Variants in ANKRD46 observed in about 807,000 individuals in gnomAD.
The protein encoded by ANKRD46 is ankyrin repeat domain 46, also known as ankyrin repeat domain-containing protein 46.
Under a neutral mutation model 19.8 loss-of-function variants are expected in ANKRD46, and 13 were observed. The ratio of observed to expected loss-of-function variants is 0.66; its 90% CI spans 0.43 to 1.04. ANKRD46 has a LOEUF of 1.04. ANKRD46 is among the 50% of genes least tolerant of loss of function. The pLI, the probability that ANKRD46 is intolerant of heterozygous loss-of-function variation, is 0.00. For synonymous variants in ANKRD46, 91 were observed against 106.9 expected (o/e 0.85, Z 0.92); for missense variants, 185 against 274.8 (o/e 0.67, Z 2.31).
intron 1 of ANKRD46, among the ~76,000 whole-genome samples, chr8:100,541,086 T>A (rs1812166383): frequency 6.6e-6 from 1 of 150,704 alleles, no homozygotes; most frequent in East Asian, 1.9e-4. Flanking sequence ...TTATTTACCA[T>A]AATTCTCACT....
intron 2 of ANKRD46, among the ~76,000 whole-genome samples, chr8:100,531,074 T>C (rs1225237820): frequency 6.6e-6 from 1 of 152,168 alleles, no homozygotes; most frequent in East Asian, 1.9e-4. Context: ...GACATTTTGC[T>C]CTACCAAACT....
At position 100,546,164 on chromosome 8, in the gene ANKRD46, T is replaced by A. The variant is rs941983989; in HGVS notation, c.-130-12853A>T. ...CTCAAGCATGCTACAGAAATTTGCC[T>A]AAATAACAAGGAACAGAATGTTAAT... On this transcript the variant is annotated intron_variant, in intron 1 of 4. Coordinates refer to ENST00000335659, the MANE Select transcript of ANKRD46 (RefSeq NM_001270377.2). This position sits in a 1 kb window ranked among gnomAD's most constrained non-coding sequence, Gnocchi z 4.0. Among the ~76,000 whole-genome samples, 1 of 152,168 alleles carries A rather than the reference T, an allele frequency of 6.6e-6. No homozygotes were observed. The highest frequency in any genetic ancestry group is 1.5e-5 in the Non-Finnish European group (1 of 68,022).
Position 100,557,282 on chromosome 8 carries a change from C to A in ANKRD46, c.-131+2429G>T, listed in dbSNP as rs145745082. 5.3e-5 allele frequency among the ~76,000 whole-genome samples: 8 copies of A among 152,218 alleles called. No individual in the cohort carries two copies. Among genetic ancestry groups the A allele is most frequent in the Non-Finnish European group, 1.2e-4 (8 of 68,036 alleles). On this transcript the variant is annotated intron_variant, in intron 1 of 4. Transcript: ENST00000335659. The surrounding 1 kb of genome is among the most constrained non-coding windows in gnomAD (Gnocchi z 5.9). Reference sequence around the variant, plus strand: ...ATCTCAGTACACTGTTTAACTAAAGCCTTCCAATAGCTCAGGCCAAAGGCC... The same window carrying A: ...ATCTCAGTACACTGTTTAACTAAAGACTTCCAATAGCTCAGGCCAAAGGCC...
At chr8:100,514,801 G>A (rs1208267636) in intron 5 of ANKRD46, among the ~76,000 whole-genome samples, 3 of 151,280 alleles carry the variant, frequency 2.0e-5, no homozygotes, top group African/African-American at 2.4e-5. Flanking sequence ...CACCACACCC[G>A]GCTAATTTTT....
intron 1 of ANKRD46, chr8:100,551,346 G>T (rs1812385582): frequency 1.7e-6 from 1 of 573,372 alleles, no homozygotes. Flanking sequence ...ATCAGCAGAG[G>T]GGGTAGAGAT....
rs999518124 is a variant in ANKRD46, at chr8:100,557,173, C to T, written c.-131+2538G>A. On this transcript the variant is annotated intron_variant, in intron 1 of 4. Coordinates refer to ENST00000335659, the MANE Select transcript of ANKRD46 (RefSeq NM_001270377.2). The surrounding 1 kb of genome is among the most constrained non-coding windows in gnomAD (Gnocchi z 5.9). ...TTTCCAGTTGGACCTTTCTCTTCAA[C>T]TCCCGTCTCTATAACCCCACTTGAA... Among the ~76,000 whole-genome samples the T allele has an allele frequency of 3.3e-5, 5 of 152,244 alleles. No homozygotes were observed. Among genetic ancestry groups the T allele is most frequent in the Non-Finnish European group, 1.5e-5 (1 of 68,038 alleles).
At chr8:100,542,999 T>C (rs1812202882) in intron 1 of ANKRD46, among the ~76,000 whole-genome samples, 1 of 152,178 alleles carries the variant, frequency 6.6e-6, no homozygotes, top group Admixed American at 6.5e-5. Flanking sequence ...AGTTTACATG[T>C]GTGTACTCAG....
chr8:100,528,341 T>C (rs1028744286), intron 3 of ANKRD46, among the ~76,000 whole-genome samples: 35 of 152,168 alleles, frequency 2.3e-4, no homozygotes, highest in African/African-American at 7.0e-4. Context: ...CAGCAGATTA[T>C]GGTAGAAGTA....
At chr8:100,517,261 T>C (rs542140808), downstream of ANKRD46, among the ~76,000 whole-genome samples, 3 of 152,294 alleles carry the variant, frequency 2.0e-5, no homozygotes, top group East Asian at 3.9e-4. Flanking sequence ...CCTGTAAAAA[T>C]GGAATCTTCT....
chr8:100,528,352 AT>A (rs1811885303), intron 3 of ANKRD46, among the ~76,000 whole-genome samples: 1 of 152,210 alleles, frequency 6.6e-6, no homozygotes, highest in Non-Finnish European at 1.5e-5. Context: ...GGTAGAAGTA[AT>A]AGCCGTGTGC....
intron 1 of ANKRD46, among the ~76,000 whole-genome samples, chr8:100,558,693 G>A (rs138863655): frequency 1.8e-3 from 273 of 152,230 alleles, no homozygotes; most frequent in African/African-American, 6.5e-3. Context: ...CTACATGTTT[G>A]GCTAGATAAC....
At chr8:100,531,157 C>T (rs1173240429) in intron 2 of ANKRD46, among the ~76,000 whole-genome samples, 2 of 152,166 alleles carry the variant, frequency 1.3e-5, no homozygotes, top group African/African-American at 4.8e-5. Context: ...AAAGAAACTT[C>T]GCTAGGAAAT....
chr8:100,522,896 CACACACACATATATAT>C lies in ANKRD46; in HGVS notation c.471-141_471-126del, dbSNP rs1212696611. ...ACACACACACACACACACACACACACACACACACATATATATATATACACACTCTTACATGCTTACG... is the reference window on the plus strand; with the variant it reads ...ACACACACACACACACACACACACACATATACACACTCTTACATGCTTACG... On this transcript the variant is annotated intron_variant, in intron 4 of 4. Transcript: ENST00000335659. 49 of 568,522 alleles carry C rather than the reference CACACACACATATATAT, an allele frequency of 8.6e-5. 1 individual carries two copies. Among genetic ancestry groups the C allele is most frequent in the Non-Finnish European group, 1.2e-4 (40 of 330,494 alleles). 35.2% of individuals were successfully genotyped at this position (568,522 alleles called of 1,614,324 possible). A position where few individuals can be genotyped will look rare whatever the true frequency, so the allele number is the denominator to read the frequency against.
downstream of ANKRD46, among the ~76,000 whole-genome samples, chr8:100,518,712 C>A (rs1038315201): frequency 2.0e-5 from 3 of 151,906 alleles, no homozygotes; most frequent in Non-Finnish European, 4.4e-5. Flanking sequence ...ATTAGCTGGG[C>A]GTGGTGGCAC....
At position 100,537,960 on chromosome 8, in the gene ANKRD46, A is replaced by C. The variant is rs1812097190; in HGVS notation, c.-130-4649T>G. Among the ~76,000 whole-genome samples the C allele has an allele frequency of 6.6e-6, 1 of 152,198 alleles. No homozygotes were observed. Among genetic ancestry groups the C allele is most frequent in the Admixed American group, 6.5e-5 (1 of 15,276 alleles). On this transcript the variant is annotated intron_variant, in intron 1 of 4. Coordinates refer to ENST00000335659, the MANE Select transcript of ANKRD46 (RefSeq NM_001270377.2). The surrounding 1 kb of genome is among the most constrained non-coding windows in gnomAD (Gnocchi z 4.2). ...TAAGTTGTCAAGATAACCAGGAGAA[A>C]ACAGTTCATGTAAAACTTTGTTGCT...
chr8:100,515,874 GTT>G (rs371133127), downstream of ANKRD46, among the ~76,000 whole-genome samples: 4 of 139,780 alleles, frequency 2.9e-5, no homozygotes, highest in Non-Finnish European at 3.2e-5. Flanking sequence ...ACTTGTTTTT[GTT>G]TTTTTTTTTT....
intron 5 of ANKRD46, among the ~76,000 whole-genome samples, chr8:100,515,727 G>C (rs1008391351): frequency 2.6e-5 from 4 of 152,040 alleles, no homozygotes; most frequent in African/African-American, 9.7e-5. Flanking sequence ...ACAACAGACT[G>C]TATCTGGATT....
At position 100,559,398 on chromosome 8, in the gene ANKRD46, C is replaced by G. The variant is rs1393428646; in HGVS notation, c.-131+313G>C. On this transcript the variant is annotated intron_variant, in intron 1 of 4. Coordinates refer to ENST00000335659, the MANE Select transcript of ANKRD46 (RefSeq NM_001270377.2). The surrounding 1 kb of genome is among the most constrained non-coding windows in gnomAD (Gnocchi z 6.0). ...TTCCGCGCTCCACCCCCCGATTAAC[C>G]GCGAGCCAGGGCTGCCCGCGCTGCC... 6.6e-6 allele frequency: 1 copy of G among 152,456 alleles called. No homozygotes were observed. The highest frequency in any genetic ancestry group is 2.4e-5 in the African/African-American group (1 of 41,460). 9.4% of individuals were successfully genotyped at this position (152,456 alleles called of 1,614,324 possible). A position where few individuals can be genotyped will look rare whatever the true frequency, so the allele number is the denominator to read the frequency against.
At chr8:100,553,901 A>G (rs1812443851) in intron 1 of ANKRD46, among the ~76,000 whole-genome samples, 1 of 152,226 alleles carries the variant, frequency 6.6e-6, no homozygotes, top group Non-Finnish European at 1.5e-5. Flanking sequence ...AAGACCCAAT[A>G]TGGAAAGGTA....
Sources: gnomAD v4.1 joint callset for allele counts (sites outside exome capture counted in the v4.1 genomes callset) on GRCh38, gnomAD v4.1.1 for gene constraint, Gnocchi (gnomAD v3.1) non-coding constraint, MANE v1.5 for transcripts, NCBI Gene and HGNC (gene_info 2026-07-23, HGNC 2026-07-21) for gene names.